DMD: variants seen among roughly 807,000 people sequenced by gnomAD.
DMD encodes dystrophin.
DMD carries 63 observed loss-of-function variants against 330.1 expected under a neutral mutation model. That is an observed-to-expected ratio of 0.19 (90% CI 0.16 to 0.24). The LOEUF (loss-of-function observed/expected upper bound fraction) is 0.24, where lower values mean the gene tolerates loss of function less well. DMD is among the 10% of genes least tolerant of loss of function. DMD has a pLI of 1.00. For missense variants in DMD, 3,344 were observed against 2,684.1 expected, an observed-to-expected ratio of 1.25 and a Z score of -5.43; for synonymous variants, 1,223 against 959.8, an observed-to-expected ratio of 1.27 and a Z score of -5.07.
chrX:33,046,973 T>C (rs1199512030), intron 1 of DMD, among the ~76,000 whole-genome samples: 1 of 112,371 alleles, frequency 8.9e-6, no homozygotes, highest in Non-Finnish European at 1.9e-5. Flanking sequence ...CCATAGTCCA[T>C]ATAATTTGAG....
At chrX:32,836,991 G>A (rs1381930760) in intron 4 of DMD, among the ~76,000 whole-genome samples, 2 of 111,364 alleles carry the variant, frequency 1.8e-5, no homozygotes, top group African/African-American at 6.5e-5. Context: ...GTTGTCTCCA[G>A]AAGAATAGGA....
At chrX:31,846,821 G>A (rs1467389280) in intron 48 of DMD, among the ~76,000 whole-genome samples, 2 of 111,783 alleles carry the variant, frequency 1.8e-5, no homozygotes. Flanking sequence ...CTGGCAGATA[G>A]ATAGGATCAG....
intron 60 of DMD, among the ~76,000 whole-genome samples, chrX:31,431,357 G>T (rs1245780306): frequency 9.0e-6 from 1 of 111,139 alleles, no homozygotes; most frequent in Non-Finnish European, 1.9e-5. Flanking sequence ...TTTTTTTCCT[G>T]CCAGCTGTTG....
chrX:32,942,842 G>T lies in DMD; in HGVS notation c.93+77297C>A, dbSNP rs1019504229. Among the ~76,000 whole-genome samples the T allele has an allele frequency of 7.2e-5, 8 of 111,853 alleles. No individual in the cohort carries two copies. The Admixed American group carries it at 7.6e-4, about 11-fold the overall frequency. On this transcript the variant is annotated intron_variant, in intron 2 of 78. Coordinates refer to ENST00000357033, the MANE Select transcript of DMD (RefSeq NM_004006.3). ...AAAGTAGACTTTACAGAATTTGGGAGAAGAAATTCAGTAGGAGAAGTGAAG... is the reference window on the plus strand; with the variant it reads ...AAAGTAGACTTTACAGAATTTGGGATAAGAAATTCAGTAGGAGAAGTGAAG...
rs188059674 is a variant in DMD, at chrX:31,765,641, G to A, written c.7542+8319C>T. Among the ~76,000 whole-genome samples, 25 of 111,732 alleles carry A rather than the reference G, an allele frequency of 2.2e-4. 1 individual carries two copies. The highest frequency in any genetic ancestry group is 7.4e-4 in the South Asian group (2 of 2,707). ...ATTAAAATATCTACTTAATGTATAC[G>A]TTAATTTTATATAATATGTATCACT... On this transcript the variant is annotated intron_variant, in intron 51 of 78. Coordinates refer to ENST00000357033, the MANE Select transcript of DMD (RefSeq NM_004006.3).
chrX:33,329,983 T>C (rs2054145842), intron 1 of DMD, among the ~76,000 whole-genome samples: 2 of 111,289 alleles, frequency 1.8e-5, no homozygotes, highest in African/African-American at 6.5e-5. Flanking sequence ...CTAATGAATG[T>C]TGGGAGGAAT....
At chrX:32,772,518 G>A (rs978893397) in intron 7 of DMD, among the ~76,000 whole-genome samples, 3 of 112,084 alleles carry the variant, frequency 2.7e-5, no homozygotes, top group Non-Finnish European at 3.8e-5. Flanking sequence ...GGAAACTGAC[G>A]AACTAATTGC....
At chrX:32,650,046 T>C (rs937184973) in intron 9 of DMD, among the ~76,000 whole-genome samples, 3 of 110,962 alleles carry the variant, frequency 2.7e-5, no homozygotes, top group Non-Finnish European at 5.7e-5. Flanking sequence ...GCTCTGTGTG[T>C]TTCTGGAAGC....
In DMD at chrX:32,521,644, C is replaced by T. The variant is rs772342234; in HGVS notation, c.2169-3513G>A. The stretch of plus-strand genomic sequence containing the variant: ...ACCATCTGCCTATTGGATGTCTCCA[C>T]TTGCATGCTGCAAAATCTCCTTAAA... On this transcript the variant is annotated intron_variant, in intron 17 of 78. Coordinates refer to ENST00000357033, the MANE Select transcript of DMD (RefSeq NM_004006.3). Among the ~76,000 whole-genome samples the T allele has an allele frequency of 2.7e-5, 3 of 112,545 alleles. No homozygotes were observed. The East Asian group carries it at 8.4e-4, about 32-fold the overall frequency.
At chrX:32,054,543 T>C (rs912986812) in intron 44 of DMD, among the ~76,000 whole-genome samples, 13 of 109,440 alleles carry the variant, frequency 1.2e-4, no homozygotes, top group Non-Finnish European at 2.3e-4. Context: ...AAAATTCTAA[T>C]TGACCTGTGC....
intron 62 of DMD, among the ~76,000 whole-genome samples, chrX:31,304,815 T>A (rs1373069135): frequency 9.0e-6 from 1 of 110,829 alleles, no homozygotes; most frequent in East Asian, 2.8e-4. Flanking sequence ...GAAGGATGTA[T>A]ATATTGATGA....
At chrX:32,763,042 T>A (rs530546201) in intron 7 of DMD, among the ~76,000 whole-genome samples, 2 of 111,042 alleles carry the variant, frequency 1.8e-5, no homozygotes, top group Non-Finnish European at 3.8e-5. Flanking sequence ...TTATTTCTCC[T>A]GCATTAATGG....
At chrX:31,784,859 T>G (rs767356776) in intron 50 of DMD, among the ~76,000 whole-genome samples, 1 of 112,308 alleles carries the variant, frequency 8.9e-6, no homozygotes, top group South Asian at 3.7e-4. Flanking sequence ...GCATATTAAA[T>G]TAATTTTTGA....
At chrX:31,866,579 G>T (rs1348530589) in intron 48 of DMD, among the ~76,000 whole-genome samples, 1 of 112,228 alleles carries the variant, frequency 8.9e-6, no homozygotes, top group African/African-American at 3.2e-5. Context: ...AGCTTTGCTA[G>T]TTGGCTATGA....
chrX:31,293,109 A>G (rs1486222122), intron 62 of DMD, among the ~76,000 whole-genome samples: 2 of 103,509 alleles, frequency 1.9e-5, no homozygotes, highest in Admixed American at 2.1e-4. Flanking sequence ...AGACTCCCCA[A>G]CTGTTAACAT....
rs1381812538 is a variant in DMD at position 32,823,368 on chromosome X, C to A, written c.284G>T (p.Gly95Val). 12 of 1,202,862 alleles carry A rather than the reference C, an allele frequency of 1.0e-5. No homozygotes were observed. Among genetic ancestry groups the A allele is most frequent in the Non-Finnish European group, 1.3e-5 (12 of 889,346 alleles). The change falls in exon 5 of 79, where the codon GGA becomes GTA. Residue 95 changes from glycine (G) to valine (V), a missense_variant. Transcript: ENST00000357033. ...ATTTCCATCTACGATGTCAGTACTT[C>A]CAATATTCACTAAATCAACCTGTTA... ...QNNNVDLVNIGSTDIVDGNHK... is the reference protein window; with the variant it reads ...QNNNVDLVNIVSTDIVDGNHK...
Position 31,889,751 on chromosome X carries a change from G to A in DMD, c.6913-14378C>T, listed in dbSNP as rs1048184686. ...CTCCCTCTCTCCCTCCCTCCCAGCC[G>A]TACTCTAAACAAAGGCTCTACAAAG... is the stretch of plus-strand genomic sequence containing the variant. On this transcript the variant is annotated intron_variant, in intron 47 of 78. Coordinates refer to ENST00000357033, the MANE Select transcript of DMD (RefSeq NM_004006.3). Among the ~76,000 whole-genome samples the A allele has an allele frequency of 2.9e-5, 3 of 104,598 alleles. No homozygotes were observed. The Admixed American group carries it at 3.2e-4, about 11-fold the overall frequency. 90.8% of individuals were successfully genotyped at this position (104,598 alleles called of 115,157 possible).
intron 1 of DMD, among the ~76,000 whole-genome samples, chrX:33,060,463 T>G (rs6418647): frequency 0.29 from 32,482 of 110,333 alleles, 3,767 homozygotes; most frequent in East Asian, 0.72. Flanking sequence ...GCCGAGCAAA[T>G]AATCTTTGTC....
intron 7 of DMD, among the ~76,000 whole-genome samples, chrX:32,776,207 C>A (rs1360152223): frequency 9.0e-6 from 1 of 110,850 alleles, no homozygotes; most frequent in African/African-American, 3.3e-5. Context: ...GTATCACTAT[C>A]AACATTGTGG....
Sources: allele counts gnomAD v4.1 joint callset (sites outside exome capture counted in the v4.1 genomes callset), GRCh38; gene constraint gnomAD v4.1.1; transcripts MANE v1.5; gene names NCBI Gene and HGNC (gene_info 2026-07-23, HGNC 2026-07-21).